The following MYO5B variants were observed in gnomAD, a reference collection of about 807,000 sequenced individuals.
MYO5B encodes myosin VB.
A neutral mutation model predicts 229.3 loss-of-function variants in MYO5B; 143 were observed. The observed-to-expected ratio is 0.62, with a 90% CI of 0.54 to 0.72. The LOEUF (loss-of-function observed/expected upper bound fraction) is 0.72, where lower values mean the gene tolerates loss of function less well. Ranked by LOEUF, MYO5B falls within the 30% of genes least tolerant of loss-of-function variation. MYO5B has a pLI of 0.00. For missense variants in MYO5B, 2,321 were observed against 2,331.0 expected (o/e 1.00, Z 0.09); for synonymous variants, 918 against 885.2 (o/e 1.04, Z -0.66).
chr18:50,028,891 G>A (rs2144369918), intron 4 of MYO5B, among the ~76,000 whole-genome samples: 1 of 152,332 alleles, frequency 6.6e-6, no homozygotes, highest in East Asian at 1.9e-4. Flanking sequence ...CACAAATCAT[G>A]TTGGGTACAC....
chr18:49,968,476 T>C (rs202182194), intron 10 of MYO5B, among the ~76,000 whole-genome samples: 130 of 145,350 alleles, frequency 8.9e-4, no homozygotes, highest in South Asian at 1.3e-3. Context: ...TCTTGAAGAC[T>C]TTCCTCTGGA....
At chr18:50,158,695 C>CA (rs2032719200) in intron 1 of MYO5B, among the ~76,000 whole-genome samples, 1 of 152,182 alleles carries the variant, frequency 6.6e-6, no homozygotes. Context: ...TTTCCAAAGT[C>CA]AGAGTCCATT....
At chr18:49,885,551 G>A (rs1787605) in intron 22 of MYO5B, among the ~76,000 whole-genome samples, 77,406 of 151,898 alleles carry the variant, frequency 0.51, 19,943 homozygotes, top group Middle Eastern at 0.62. Context: ...TGGTTTGGAC[G>A]TTCATTTCCT....
intron 21 of MYO5B, among the ~76,000 whole-genome samples, chr18:49,895,949 G>T (rs947126301): frequency 6.6e-6 from 1 of 152,190 alleles, no homozygotes; most frequent in Non-Finnish European, 1.5e-5. Context: ...GGTCAGTGAG[G>T]AAAGTGGAGA....
At chr18:49,847,420 G>T in intron 32 of MYO5B, 131 bp from the exon 33 acceptor site, 2 of 1,132,872 alleles carry the variant, frequency 1.8e-6, no homozygotes, top group Non-Finnish European at 1.3e-6. Flanking sequence ...GTGGAGGATG[G>T]CACCTGGGGC....
At chr18:50,012,764 A>G (rs1030125273) in intron 4 of MYO5B, among the ~76,000 whole-genome samples, 1 of 152,230 alleles carries the variant, frequency 6.6e-6, no homozygotes, top group Non-Finnish European at 1.5e-5. Context: ...CATTGACTGC[A>G]CAGCAGCTGA....
intron 10 of MYO5B, among the ~76,000 whole-genome samples, chr18:49,973,418 C>G (rs770545315): frequency 6.6e-6 from 1 of 152,196 alleles, no homozygotes; most frequent in African/African-American, 2.4e-5. Context: ...GCCTGCTAAG[C>G]AGTTGTTCGC....
intron 29 of MYO5B, among the ~76,000 whole-genome samples, chr18:49,859,864 C>T (rs1458386488): frequency 6.6e-6 from 1 of 152,234 alleles, no homozygotes; most frequent in Non-Finnish European, 1.5e-5. Flanking sequence ...AGGCAGCCCA[C>T]AGCAGCCGAG....
At chr18:50,009,197 G>A (rs2144339495) in intron 4 of MYO5B, among the ~76,000 whole-genome samples, 1 of 152,282 alleles carries the variant, frequency 6.6e-6, no homozygotes, top group Middle Eastern at 3.4e-3. Flanking sequence ...GGCCAACATG[G>A]TGAAACCCCA....
chr18:49,875,300 C>G (rs922290357), intron 26 of MYO5B, among the ~76,000 whole-genome samples: 1 of 152,174 alleles, frequency 6.6e-6, no homozygotes, highest in Admixed American at 6.5e-5. Flanking sequence ...AGGCTGAACC[C>G]AAGCCCATGC....
At chr18:49,913,548 G>A (rs931642419) in intron 17 of MYO5B, among the ~76,000 whole-genome samples, 16 of 151,990 alleles carry the variant, frequency 1.1e-4, no homozygotes, top group Admixed American at 2.0e-4. Flanking sequence ...CTCATCTTCC[G>A]AGGCATGTGC....
chr18:49,965,697 G>A (rs989662911), intron 10 of MYO5B, among the ~76,000 whole-genome samples: 4 of 152,252 alleles, frequency 2.6e-5, no homozygotes, highest in Middle Eastern at 3.4e-3. Flanking sequence ...CCAGAGAGTC[G>A]GTAGGCAGAG....
chr18:50,101,267 T>C (rs1365156687), intron 1 of MYO5B, among the ~76,000 whole-genome samples: 1 of 152,174 alleles, frequency 6.6e-6, no homozygotes, highest in African/African-American at 2.4e-5. Flanking sequence ...GTGCCAATTT[T>C]GTCAACTGTA....
chr18:50,166,790 A>G (rs1401684621), intron 1 of MYO5B, among the ~76,000 whole-genome samples: 1 of 152,180 alleles, frequency 6.6e-6, no homozygotes, highest in Non-Finnish European at 1.5e-5. Context: ...AACACAATGC[A>G]TGATTGAGAA....
rs529293917 is a variant in MYO5B, at chr18:49,858,326, T to C, written c.3945-1436A>G. On this transcript the variant is annotated intron_variant, in intron 29 of 39. Coordinates refer to ENST00000285039, the MANE Select transcript of MYO5B (RefSeq NM_001080467.3). ...GCTTTAACCCAAAGGCACAGCTCAC[T>C]GGAGGACTGTAGGCACCACTGCAGT... Among the ~76,000 whole-genome samples the C allele has an allele frequency of 2.8e-5, 3 of 107,588 alleles. No homozygotes were observed. The East Asian group carries it at 8.9e-4, about 32-fold the overall frequency. The allele number at this position is 107,588 out of a possible 152,430, so 70.6% of individuals were successfully genotyped here.
chr18:49,993,159 A>G (rs968977575), intron 5 of MYO5B, among the ~76,000 whole-genome samples: 2 of 152,148 alleles, frequency 1.3e-5, no homozygotes, highest in Admixed American at 6.5e-5. Context: ...TTGCCAATGC[A>G]TTGGTAAAGA....
chr18:49,950,100 C>A (rs2025416618), intron 14 of MYO5B, among the ~76,000 whole-genome samples: 1 of 152,144 alleles, frequency 6.6e-6, no homozygotes, highest in Non-Finnish European at 1.5e-5. Context: ...CTGAAACAGG[C>A]TAGGAGGGGC....
rs1380993526 is a variant in MYO5B at position 50,180,640 on chromosome 18, C to T, written c.27+14127G>A. Reference sequence around the variant, plus strand: ...TTGTTGTACAACCCTCGCAACCACCCGTCTCCAAAGCTTTGTTTTAATCTT... The same window carrying T: ...TTGTTGTACAACCCTCGCAACCACCTGTCTCCAAAGCTTTGTTTTAATCTT... On this transcript the variant is annotated intron_variant, in intron 1 of 39. Coordinates refer to ENST00000285039, the MANE Select transcript of MYO5B (RefSeq NM_001080467.3). 6.6e-5 allele frequency among the ~76,000 whole-genome samples: 10 copies of T among 152,164 alleles called. 1 individual carries two copies. The highest frequency in any genetic ancestry group is 2.0e-4 in the Admixed American group (3 of 15,278).
intron 1 of MYO5B, among the ~76,000 whole-genome samples, chr18:50,084,795 G>C (rs537160933): frequency 1.3e-3 from 201 of 151,964 alleles, no homozygotes; most frequent in Middle Eastern, 3.4e-3. Context: ...ACAAACCTGA[G>C]AAAAACAAGC....
Sources: gnomAD v4.1 joint callset for allele counts (sites outside exome capture counted in the v4.1 genomes callset) on GRCh38, gnomAD v4.1.1 for gene constraint, MANE v1.5 for transcripts, NCBI Gene and HGNC (gene_info 2026-07-23, HGNC 2026-07-21) for gene names.